LMF1: variants seen among roughly 807,000 people sequenced by gnomAD.
The protein encoded by LMF1 is transmembrane protein 112.
LMF1 carries 68 observed loss-of-function variants against 60.6 expected under a neutral mutation model. The observed-to-expected ratio is 1.12, with a 90% CI of 0.92 to 1.37. The LOEUF is 1.37. LMF1 is among the 40% of genes most tolerant of loss of function. LMF1 has a pLI of 0.00. For missense variants in LMF1, 948 were observed against 767.2 expected (o/e 1.24, Z -2.78); for synonymous variants, 418 against 324.7 (o/e 1.29, Z -3.09).
intron 1 of LMF1, chr16:979,992 G>A: frequency 2.9e-6 from 1 of 342,940 alleles, no homozygotes; most frequent in South Asian, 2.2e-5. Flanking sequence ...GGTCTTCCCA[G>A]GCAGGTGCCG....
intron 10 of LMF1, among the ~76,000 whole-genome samples, chr16:868,460 G>T (rs1838800192): frequency 6.6e-6 from 1 of 152,166 alleles, no homozygotes; most frequent in Admixed American, 6.5e-5. Flanking sequence ...GACCCTGCGG[G>T]GCTCCCTCCT....
chr16:935,428 C>T (rs1050957215), intron 2 of LMF1, among the ~76,000 whole-genome samples: 2 of 152,074 alleles, frequency 1.3e-5, no homozygotes, highest in Non-Finnish European at 2.9e-5. Context: ...CTTCAGAGTC[C>T]ATGAATATGT....
chr16:940,330 G>A (rs2072067186), intron 2 of LMF1, among the ~76,000 whole-genome samples: 1 of 152,108 alleles, frequency 6.6e-6, no homozygotes, highest in Non-Finnish European at 1.5e-5. Flanking sequence ...ATCTCTCACA[G>A]GGCCATGGGA....
chr16:976,629 C>A (rs78985167), intron 1 of LMF1: 55 of 454,048 alleles, frequency 1.2e-4, no homozygotes, highest in African/African-American at 1.1e-3. Flanking sequence ...AGAGCAAATG[C>A]GTGCTGTTGG....
At position 856,054 on chromosome 16, in the gene LMF1, G is replaced by A. The variant is rs765866330; in HGVS notation, c.1530-1348C>T. On this transcript the variant is annotated intron_variant, in intron 10 of 10. Coordinates refer to ENST00000262301, the MANE Select transcript of LMF1 (RefSeq NM_022773.4). ...CTGGGTGGAGGAGGGTCCCTGAGGC[G>A]CCTGATGGGAGAGAGGGATCAGCAG... The A allele has an allele frequency of 3.9e-5, 17 of 432,782 alleles. 1 individual carries two copies. The highest frequency in any genetic ancestry group is 1.6e-4 in the South Asian group (10 of 61,008). The allele number at this position is 432,782 out of a possible 1,614,324, so 26.8% of individuals were successfully genotyped here.
At chr16:976,094 T>G (rs9931054) in intron 1 of LMF1, 1 of 404,600 alleles carries the variant, frequency 2.5e-6, no homozygotes, top group Non-Finnish European at 4.7e-6. Context: ...AAACGCTGAT[T>G]TTTCTGGAGT....
rs1007938424 is a variant in LMF1 at position 886,395 on chromosome 16, C to T, written c.729+6612G>A. ...CGGGAAATCCAGGCCCACGGAAGGT[C>T]GGTGTCTCCTCAGGCCTGCACTCGC... On this transcript the variant is annotated intron_variant, in intron 5 of 10. Coordinates refer to ENST00000262301, the MANE Select transcript of LMF1 (RefSeq NM_022773.4). Among the ~76,000 whole-genome samples the T allele has an allele frequency of 1.7e-4, 26 of 152,222 alleles. 1 individual carries two copies. Among genetic ancestry groups the T allele is most frequent in the African/African-American group, 4.6e-4 (19 of 41,548 alleles).
chr16:959,125 C>T (rs4984736), intron 1 of LMF1, among the ~76,000 whole-genome samples: 30,946 of 152,080 alleles, frequency 0.2, 3,569 homozygotes, highest in South Asian at 0.31. Context: ...TGCAGATGCT[C>T]ATAGCAGCTC....
chr16:853,731 CTG>C lies in LMF1; in HGVS notation c.*799_*800del, dbSNP rs1335734701. On this transcript the variant is annotated 3_prime_UTR_variant, in exon 11 of 11. Coordinates refer to ENST00000262301, the MANE Select transcript of LMF1 (RefSeq NM_022773.4). ...GAATAAGAAAAATGTGCAGTAGACG[CTG>C]TTTGTCCGACGATGATGAAAGTGTG... The C allele has an allele frequency of 2.2e-6, 1 of 454,032 alleles. No individual in the cohort carries two copies. The highest frequency in any genetic ancestry group is 4.4e-6 in the Non-Finnish European group (1 of 226,802). 28.1% of individuals were successfully genotyped at this position (454,032 alleles called of 1,614,324 possible).
At chr16:978,255 G>A (rs944944618) in intron 1 of LMF1, among the ~76,000 whole-genome samples, 8 of 144,452 alleles carry the variant, frequency 5.5e-5, no homozygotes, top group African/African-American at 7.7e-5. Flanking sequence ...CACTATACAC[G>A]CACCATACAC....
rs571989805 is a variant in LMF1 at position 940,475 on chromosome 16, C to T, written c.504-6221G>A. ...CCCGCAGGCAGCGTCCTGCCTGGGA[C>T]GACGACCACAGGAAACAGCTGGGAA... is the stretch of plus-strand genomic sequence containing the variant. On this transcript the variant is annotated intron_variant, in intron 2 of 10. Transcript: ENST00000262301. 2.5e-3 allele frequency among the ~76,000 whole-genome samples: 375 copies of T among 152,158 alleles called. 1 individual carries two copies. Among genetic ancestry groups the T allele is most frequent in the African/African-American group, 8.7e-3 (360 of 41,524 alleles).
At position 930,192 on chromosome 16, in the gene LMF1, G is replaced by A. The variant is rs534188435; in HGVS notation, c.514+4052C>T. Among the ~76,000 whole-genome samples the A allele has an allele frequency of 7.1e-5, 10 of 141,188 alleles. No homozygotes were observed. In the East Asian group the frequency reaches 1.2e-3, roughly 17 times the overall value. 92.6% of individuals were successfully genotyped at this position (141,188 alleles called of 152,430 possible). A position where few individuals can be genotyped will look rare whatever the true frequency, so the allele number is the denominator to read the frequency against. On this transcript the variant is annotated intron_variant, in intron 3 of 10. Transcript: ENST00000262301. ...CACAGAGCCCAGGACAGCAGCGGTCGTGTTCGTCTGAACAGGGGTGCAGGG... is the reference window on the plus strand; with the variant it reads ...CACAGAGCCCAGGACAGCAGCGGTCATGTTCGTCTGAACAGGGGTGCAGGG...
In LMF1 at chr16:953,102, C is replaced by G. The variant is rs542026577; in HGVS notation, c.503+1255G>C. Among the ~76,000 whole-genome samples, 15 of 114,450 alleles carry G rather than the reference C, an allele frequency of 1.3e-4. 1 individual carries two copies. Among genetic ancestry groups the G allele is most frequent in the Non-Finnish European group, 2.4e-4 (13 of 53,626 alleles). 75.1% of individuals were successfully genotyped at this position (114,450 alleles called of 152,430 possible). ...CAAACCAGCCTCCTACACGTCCACA[C>G]AGACACCCCAAACCAGCCTCCTACA... On this transcript the variant is annotated intron_variant, in intron 2 of 10. Transcript: ENST00000262301.
At chr16:901,129 C>A (rs1015694687) in intron 4 of LMF1, 1 of 152,242 alleles carries the variant, frequency 6.6e-6, no homozygotes, top group Admixed American at 6.5e-5. Context: ...CTTTTCAATT[C>A]TCCAGGGGTC....
intron 1 of LMF1, chr16:977,030 C>A: frequency 2.2e-6 from 1 of 454,206 alleles, no homozygotes; most frequent in Non-Finnish European, 4.4e-6. Flanking sequence ...GACGTCTGGG[C>A]TGCAGGCAGA....
chr16:947,582 G>C (rs749809144), intron 2 of LMF1: 5 of 456,100 alleles, frequency 1.1e-5, no homozygotes, highest in South Asian at 7.7e-5. Flanking sequence ...GGCAGCTCCC[G>C]CCACAGGAAG....
At chr16:979,927 C>T (rs1347480025) in intron 1 of LMF1, 2 of 363,160 alleles carry the variant, frequency 5.5e-6, no homozygotes, top group Non-Finnish European at 5.5e-6. Context: ...GATGCGGGGA[C>T]CCCGAGCGGA....
intron 2 of LMF1, among the ~76,000 whole-genome samples, chr16:950,464 G>A (rs547496857): frequency 7.7e-6 from 1 of 130,208 alleles, no homozygotes; most frequent in East Asian, 2.3e-4. Flanking sequence ...CAACGACAGA[G>A]TCAGCCAACG....
intron 10 of LMF1, chr16:855,489 C>T (rs550143982): frequency 1.4e-4 from 49 of 357,456 alleles, no homozygotes; most frequent in African/African-American, 1.0e-3. Context: ...TGGGCATTTT[C>T]TCCTGGGGGT....
Sources: allele counts gnomAD v4.1 joint callset (sites outside exome capture counted in the v4.1 genomes callset), GRCh38; gene constraint gnomAD v4.1.1; transcripts MANE v1.5; gene names NCBI Gene and HGNC (gene_info 2026-07-23, HGNC 2026-07-21).